ABCB8: variants seen among roughly 807,000 people sequenced by gnomAD.
ABCB8 encodes mitochondrial potassium channel ATP-binding subunit.
ABCB8 carries 52 observed loss-of-function variants against 73.0 expected under a neutral mutation model. The observed-to-expected ratio is 0.71, with a 90% confidence interval of 0.57 to 0.90. The LOEUF (loss-of-function observed/expected upper bound fraction) is 0.90, where lower values mean the gene tolerates loss of function less well. ABCB8 is among the 40% of genes least tolerant of loss of function. The pLI, the probability that ABCB8 is intolerant of heterozygous loss-of-function variation, is 0.00. For missense variants in ABCB8, 909 were observed against 974.6 expected, an observed-to-expected ratio of 0.93 and a Z score of 0.90; for synonymous variants, 428 against 423.5, an observed-to-expected ratio of 1.01 and a Z score of -0.13.
In ABCB8 at chr7:151,037,211, G is replaced by A. The variant is rs889455454; in HGVS notation, c.1217+562G>A. On this transcript the variant is annotated intron_variant, in intron 9 of 15. Coordinates refer to ENST00000358849, the MANE Select transcript of ABCB8 (RefSeq NM_007188.5). ...AGTCAGACTATGTCCTTTTGTGACT[G>A]CGTTTTGTCACTCCACATTGTGTCC... 4.3e-6 allele frequency: 3 copies of A among 702,930 alleles called. No individual in the cohort carries two copies. The South Asian group carries it at 4.4e-5, about 10-fold the overall frequency. 43.5% of individuals were successfully genotyped at this position (702,930 alleles called of 1,614,324 possible).
chr7:151,045,306 C>G lies in ABCB8; in HGVS notation c.2114C>G (p.Pro705Arg), dbSNP rs531785675. The G allele has an allele frequency of 1.3e-6, 2 of 1,598,172 alleles. No individual in the cohort carries two copies. Among genetic ancestry groups the G allele is most frequent in the African/African-American group, 2.7e-5 (2 of 73,954 alleles). The stretch of plus-strand genomic sequence containing the variant: ...GCCCCGAGGACAGCGGCCCCACCGC[C>G]CAAAAAGCCAGAAGGCCCCAGGAGC... ...LDAPRTAAPPPKKPEGPRSHQ... is the reference protein window; with the variant it reads ...LDAPRTAAPPRKKPEGPRSHQ... The change falls in exon 16 of 16, where the codon CCC (proline) becomes CGC (arginine). Residue 705 changes from proline (P) to arginine (R), a missense_variant. Coordinates refer to ENST00000358849, the MANE Select transcript of ABCB8 (RefSeq NM_007188.5).
chr7:151,034,695 C>T lies in ABCB8; in HGVS notation c.660-29C>T, dbSNP rs374538950. 1.1e-5 allele frequency: 18 copies of T among 1,610,442 alleles called. No individual in the cohort carries two copies. In the African/African-American group the frequency reaches 2.1e-4, roughly 19 times the overall value. On this transcript the variant is annotated intron_variant, in intron 4 of 15. Transcript: ENST00000358849. ...CTGAAGTAATGTCTCCCTCTTCTGC[C>T]CTCCTTATTGGTTCTTGTCCCATGC...
chr7:151,043,107 C>T (rs1348396153), intron 14 of ABCB8, among the ~76,000 whole-genome samples: 1 of 152,236 alleles, frequency 6.6e-6, no homozygotes, highest in Non-Finnish European at 1.5e-5. Flanking sequence ...GTCACTGGAC[C>T]CCAGAGCCCA....
rs917392933 is a variant in ABCB8 at position 151,036,722 on chromosome 7, G to A, written c.1217+73G>A. 4.9e-5 allele frequency: 65 copies of A among 1,323,246 alleles called. No individual in the cohort carries two copies. The highest frequency in any genetic ancestry group is 6.3e-5 in the Non-Finnish European group (59 of 933,184). The allele number at this position is 1,323,246 out of a possible 1,614,324, so 82.0% of individuals were successfully genotyped here. On this transcript the variant is annotated intron_variant, in intron 9 of 15. Transcript: ENST00000358849. ...AGAGCCCTGCTGGGTTAGGGGACAC[G>A]GGTGCCAGCCTTCTCTGGGGGCCGA...
chr7:151,029,340 ATGTG>A (rs1796078768), intron 1 of ABCB8, among the ~76,000 whole-genome samples: 1 of 151,902 alleles, frequency 6.6e-6, no homozygotes, highest in Non-Finnish European at 1.5e-5. Context: ...TAACTTGTAC[ATGTG>A]TGTTTTTCGC....
intron 9 of ABCB8, chr7:151,038,485 T>C (rs2117225678): frequency 1.3e-5 from 2 of 150,102 alleles, no homozygotes; most frequent in African/African-American, 4.9e-5. Flanking sequence ...CACCCCAGCC[T>C]GGCAACAGCA....
chr7:151,040,668 C>T (rs768999573), intron 11 of ABCB8, 34 bp downstream of exon 11: 5 of 1,604,082 alleles, frequency 3.1e-6, no homozygotes, highest in East Asian at 2.2e-5. Flanking sequence ...GGGATGGGTC[C>T]CTGGGCCGGG....
chr7:151,033,028 C>T (rs193013654), intron 1 of ABCB8: 1 of 456,712 alleles, frequency 2.2e-6, no homozygotes, highest in Non-Finnish European at 4.4e-6. Context: ...TATTTCAGCT[C>T]TCTTAGCTCC....
rs756959626 is a variant in ABCB8, at chr7:151,040,266, A to G, written c.1218-2A>G. On this transcript the variant is annotated splice_acceptor_variant, in intron 9 of 15. Transcript: ENST00000358849. LOFTEE classifies it high-confidence loss of function. ...TCCACCCCTCTCTCCTTTTTCTGAC[A>G]GGTCCATGGCCAACCTCTCTGTCCT... 1 of 1,610,936 alleles carries G rather than the reference A, an allele frequency of 6.2e-7. No homozygotes were observed. Among genetic ancestry groups the G allele is most frequent in the East Asian group, 2.2e-5 (1 of 44,796 alleles).
rs1164501910 is a variant in ABCB8, at chr7:151,044,137, C to G, written c.1932C>G (p.Arg644=). The part of the protein sequence containing the change: ...QEALDRASAG[R]TVLVIAHRLS... ...CCCTGGACCGGGCCAGTGCAGGCCG[C>G]ACGGTGCTGGTAATTGCCCACCGGC... Residue 644 remains arginine (R), a synonymous_variant, in exon 15 of 16, where the codon CGC becomes CGG. Transcript: ENST00000358849. The G allele has an allele frequency of 1.9e-6, 3 of 1,614,000 alleles. No homozygotes were observed. Among genetic ancestry groups the G allele is most frequent in the African/African-American group, 2.7e-5 (2 of 75,058 alleles).
At chr7:151,043,285 G>A (rs531126557) in intron 14 of ABCB8, among the ~76,000 whole-genome samples, 107 of 152,354 alleles carry the variant, frequency 7.0e-4, no homozygotes, top group Non-Finnish European at 2.5e-4. Context: ...CCCTGCTGGC[G>A]GTGTCACACC....
chr7:151,032,530 C>G (rs903496950), intron 1 of ABCB8, among the ~76,000 whole-genome samples: 5 of 152,080 alleles, frequency 3.3e-5, no homozygotes, highest in Admixed American at 6.6e-5. Context: ...CCCATCTCTA[C>G]TAAAAATACA....
chr7:151,042,206 G>A, intron 14 of ABCB8, 98 bp downstream of exon 14: 2 of 1,514,964 alleles, frequency 1.3e-6, no homozygotes, highest in South Asian at 1.2e-5. Flanking sequence ...GGGCAGCAGG[G>A]ACAGCTGGGG....
Position 151,036,532 on chromosome 7 carries a change from CCT to C in ABCB8, c.1112-8_1112-7del. 1 of 1,611,194 alleles carries C rather than the reference CCT, an allele frequency of 6.2e-7. No individual in the cohort carries two copies. Among genetic ancestry groups the C allele is most frequent in the African/African-American group, 1.3e-5 (1 of 74,982 alleles). ...CCTGGCTTCGTCCTCCCTCACTTCCCCTCTCCTGCAGGCATGGTCTTGGGTAC... is the reference window on the plus strand; with the variant it reads ...CCTGGCTTCGTCCTCCCTCACTTCCCCTCCTGCAGGCATGGTCTTGGGTAC... On this transcript the variant is annotated splice_polypyrimidine_tract_variant and intron_variant, in intron 8 of 15. Coordinates refer to ENST00000358849, the MANE Select transcript of ABCB8 (RefSeq NM_007188.5).
At position 151,036,470 on chromosome 7, in the gene ABCB8, A is replaced by T. The variant is rs1053099860; in HGVS notation, c.1112-74A>T. On this transcript the variant is annotated intron_variant, in intron 8 of 15. Transcript: ENST00000358849. ...TGCGCCTCACCTGACTCTCCCAGTC[A>T]GCAGTGGCAGAGCAGGCCCAGGGCT... 6.1e-6 allele frequency: 8 copies of T among 1,305,076 alleles called. No homozygotes were observed. In the African/African-American group the frequency reaches 1.2e-4, roughly 19 times the overall value. The allele number at this position is 1,305,076 out of a possible 1,614,324, so 80.8% of individuals were successfully genotyped here. A position where few individuals can be genotyped will look rare whatever the true frequency, so the allele number is the denominator to read the frequency against.
chr7:151,042,632 T>C (rs945222768), intron 14 of ABCB8, among the ~76,000 whole-genome samples: 5 of 152,226 alleles, frequency 3.3e-5, no homozygotes, highest in Non-Finnish European at 7.4e-5. Context: ...ACACGCAGCC[T>C]GGCACTGCAG....
chr7:151,034,019 G>A, intron 2 of ABCB8, 102 bp downstream of exon 2: 1 of 1,393,544 alleles, frequency 7.2e-7, no homozygotes, highest in Non-Finnish European at 9.5e-7. Flanking sequence ...GAGCTCAGGG[G>A]AGCAGCAAGG....
Position 151,044,077 on chromosome 7 carries a change from G to A in ABCB8, c.1872G>A (p.Ala624=), listed in dbSNP as rs756387192. The A allele has an allele frequency of 1.1e-5, 18 of 1,613,662 alleles. No individual in the cohort carries two copies. The highest frequency in any genetic ancestry group is 1.1e-4 in the South Asian group (10 of 91,084). Residue 624 remains alanine (A), a synonymous_variant, in exon 15 of 16, where the codon GCG becomes GCA. Transcript: ENST00000358849. ...TGATACTGGATGAAGCTACCAGCGCGCTGGATGCAGAGTCCGAGCGGGTTG... is the reference window on the plus strand; with the variant it reads ...TGATACTGGATGAAGCTACCAGCGCACTGGATGCAGAGTCCGAGCGGGTTG... ...TVLILDEATS[A]LDAESERVVQ...
chr7:151,040,132 C>G (rs1185419065), intron 9 of ABCB8, 136 bp from the exon 10 acceptor site: 2 of 991,948 alleles, frequency 2.0e-6, no homozygotes, highest in Non-Finnish European at 1.5e-6. Context: ...TCTACGCCCC[C>G]ATGGTGCAGG....
Sources: gnomAD v4.1 joint callset for allele counts (sites outside exome capture counted in the v4.1 genomes callset) on GRCh38, gnomAD v4.1.1 for gene constraint, MANE v1.5 for transcripts, NCBI Gene and HGNC (gene_info 2026-07-23, HGNC 2026-07-21) for gene names.